SPNS3: variants seen among roughly 807,000 people sequenced by gnomAD.
SPNS3 encodes the protein SPNS lysolipid transporter 3, sphingosine-1-phosphate (putative), also known as protein spinster homolog 3.
A neutral mutation model predicts 54.4 loss-of-function variants in SPNS3; 51 were observed. The observed-to-expected ratio is 0.94, with a 90% CI of 0.75 to 1.18. The LOEUF (loss-of-function observed/expected upper bound fraction) is 1.18. Ranked by LOEUF, SPNS3 falls within the 50% of genes most tolerant of loss-of-function variation. The probability of loss-of-function intolerance (pLI) is 0.00; values close to 1 mark genes in which losing one functional copy is unlikely to be tolerated. For synonymous variants in SPNS3, 309 were observed against 294.7 expected, an observed-to-expected ratio of 1.05 and a Z score of -0.50; for missense variants, 669 against 677.4, an observed-to-expected ratio of 0.99 and a Z score of 0.14.
At chr17:4,465,937 G>T (rs933353647) in intron 8 of SPNS3, among the ~76,000 whole-genome samples, 5 of 152,308 alleles carry the variant, frequency 3.3e-5, no homozygotes, top group Middle Eastern at 3.4e-3. Flanking sequence ...AGCCTACCAG[G>T]GTGGGTCTCT....
At chr17:4,445,857 G>A (rs887488234) in intron 3 of SPNS3, among the ~76,000 whole-genome samples, 191 bp from the exon 4 acceptor site, 4 of 152,076 alleles carry the variant, frequency 2.6e-5, no homozygotes, top group African/African-American at 9.7e-5. Context: ...AGGGGGGCAG[G>A]TGGTGGCTGC....
At chr17:4,438,587 G>A (rs1210398522) in intron 1 of SPNS3, among the ~76,000 whole-genome samples, 4 of 152,234 alleles carry the variant, frequency 2.6e-5, no homozygotes, top group Non-Finnish European at 5.9e-5. Context: ...ACATTAGGCT[G>A]GGTGCCCACT....
rs199522240 is a variant in SPNS3, at chr17:4,449,322, C to G, written c.858C>G (p.Leu286=). Residue 286 remains leucine (L), a synonymous_variant, in exon 7 of 12, where the codon CTC becomes CTG. Coordinates refer to ENST00000355530, the MANE Select transcript of SPNS3 (RefSeq NM_182538.5). ...GGTTCTGGGCCCCCAAGTTTCTGCTCGAGGCACGCGTGGTTCACGGGCTGC... is the reference window on the plus strand; with the variant it reads ...GGTTCTGGGCCCCCAAGTTTCTGCTGGAGGCACGCGTGGTTCACGGGCTGC... ...ALGFWAPKFL[L]EARVVHGLQP... is the part of the protein sequence containing the mutation. 1.2e-6 allele frequency: 2 copies of G among 1,611,976 alleles called. No homozygotes were observed. The highest frequency in any genetic ancestry group is 8.5e-7 in the Non-Finnish European group (1 of 1,179,896).
At chr17:4,445,774 G>A (rs1018160720) in intron 3 of SPNS3, among the ~76,000 whole-genome samples, 1 of 152,006 alleles carries the variant, frequency 6.6e-6, no homozygotes, top group Non-Finnish European at 1.5e-5. Flanking sequence ...GTGGGGCTGG[G>A]GGTAACAGCT....
chr17:4,457,586 C>G (rs911579803), intron 8 of SPNS3, among the ~76,000 whole-genome samples: 4 of 152,154 alleles, frequency 2.6e-5, no homozygotes, highest in Admixed American at 6.5e-5. Context: ...GGCCTGACCT[C>G]ACAGGGAGGC....
intron 8 of SPNS3, among the ~76,000 whole-genome samples, chr17:4,470,158 G>A (rs895111162): frequency 6.6e-6 from 1 of 152,218 alleles, no homozygotes; most frequent in Non-Finnish European, 1.5e-5. Context: ...GCCAGGCACA[G>A]TGACTCACGC....
At chr17:4,464,620 T>A (rs1161701731) in intron 8 of SPNS3, among the ~76,000 whole-genome samples, 1 of 152,128 alleles carries the variant, frequency 6.6e-6, no homozygotes, top group Non-Finnish European at 1.5e-5. Context: ...AAAATGGGAG[T>A]GCTACTCTTT....
chr17:4,482,071 T>A (rs1428910332), intron 9 of SPNS3: 1 of 152,146 alleles, frequency 6.6e-6, no homozygotes, highest in Non-Finnish European at 1.5e-5. Context: ...GTATTTTTAG[T>A]AGAGACGGGG....
Position 4,445,136 on chromosome 17 carries a change from G to T in SPNS3, c.370G>T (p.Ala124Ser). The T allele has an allele frequency of 6.2e-7, 1 of 1,614,126 alleles. No individual in the cohort carries two copies. The highest frequency in any genetic ancestry group is 8.5e-7 in the Non-Finnish European group (1 of 1,179,956). ...CTTCGGTATCTTGCTGTGGTCAGGA[G>T]CTGGCCTCTCTAGCTCCTTCATCTC... ...MSFGILLWSGAGLSSSFISPR... is the reference protein window; with the variant it reads ...MSFGILLWSGSGLSSSFISPR... Residue 124 changes from alanine (A) to serine (S), a missense_variant, in exon 3 of 12, where the codon GCT becomes TCT. Coordinates refer to ENST00000355530, the MANE Select transcript of SPNS3 (RefSeq NM_182538.5).
intron 8 of SPNS3, among the ~76,000 whole-genome samples, chr17:4,466,075 G>T (rs1229125860): frequency 6.6e-6 from 1 of 152,218 alleles, no homozygotes; most frequent in Admixed American, 6.5e-5. Context: ...CAAGCCTATG[G>T]CCATGGCCAG....
At chr17:4,468,753 C>CTT (rs1555531901) in intron 8 of SPNS3, among the ~76,000 whole-genome samples, 7 of 141,018 alleles carry the variant, frequency 5.0e-5, no homozygotes, top group Non-Finnish European at 7.5e-5. Context: ...TTCTTTCTTT[C>CTT]TTTCTTTCTC....
Position 4,446,151 on chromosome 17 carries a change from A to G in SPNS3, c.506A>G (p.Gln169Arg), listed in dbSNP as rs148289017. Reference protein sequence around the residue: ...TVLGDLFVRDQRTRVLAVFYI... With the variant: ...TVLGDLFVRDRRTRVLAVFYI... Reference sequence around the variant, plus strand: ...CTGGGCGACCTCTTCGTGAGGGACCAGCGCACCCGCGTGCTGGCTGTCTTC... The same window carrying G: ...CTGGGCGACCTCTTCGTGAGGGACCGGCGCACCCGCGTGCTGGCTGTCTTC... The change falls in exon 4 of 12, where the codon CAG becomes CGG. Residue 169 changes from glutamine to arginine, a missense_variant. Gln to Arg is a conservative substitution (Grantham distance 43). Transcript: ENST00000355530. 110 of 1,613,466 alleles carry G rather than the reference A, an allele frequency of 6.8e-5. No homozygotes were observed. The Middle Eastern group carries it at 8.3e-4, about 12-fold the overall frequency.
chr17:4,439,304 T>C (rs1970789469), intron 1 of SPNS3, among the ~76,000 whole-genome samples: 1 of 152,098 alleles, frequency 6.6e-6, no homozygotes. Context: ...TTTGTACTTT[T>C]AGTAGAGACG....
intron 7 of SPNS3, among the ~76,000 whole-genome samples, chr17:4,452,529 G>A (rs971147755): frequency 2.6e-5 from 4 of 152,130 alleles, no homozygotes; most frequent in Admixed American, 6.5e-5. Context: ...GAGGGAGGGC[G>A]TGTAGAGAGC....
chr17:4,445,927 C>T (rs899374947), intron 3 of SPNS3, 121 bp from the exon 4 acceptor site: 7 of 1,206,430 alleles, frequency 5.8e-6, no homozygotes, highest in Middle Eastern at 3.0e-4. Flanking sequence ...GCCCCGATCC[C>T]CTCTCCCTAC....
chr17:4,450,142 G>C (rs1971118780), intron 7 of SPNS3, among the ~76,000 whole-genome samples: 1 of 151,576 alleles, frequency 6.6e-6, no homozygotes, highest in Non-Finnish European at 1.5e-5. Context: ...GGGTCCTGGG[G>C]GCTCCTGGGG....
At chr17:4,465,544 G>A (rs1406235349) in intron 8 of SPNS3, among the ~76,000 whole-genome samples, 1 of 152,048 alleles carries the variant, frequency 6.6e-6, no homozygotes, top group African/African-American at 2.4e-5. Context: ...CTTAGCCAAC[G>A]TGGCAAAACC....
chr17:4,455,675 C>G (rs1295895585), intron 8 of SPNS3, among the ~76,000 whole-genome samples: 1 of 152,194 alleles, frequency 6.6e-6, no homozygotes, highest in Non-Finnish European at 1.5e-5. Context: ...CCACTGCCGC[C>G]CTCTCCCCTC....
chr17:4,436,337 G>A (rs539073455), intron 1 of SPNS3, among the ~76,000 whole-genome samples: 7 of 152,294 alleles, frequency 4.6e-5, no homozygotes, highest in South Asian at 2.1e-4. Flanking sequence ...CCTGGTCATC[G>A]TCTTTGAGGA....
Sources: gnomAD v4.1 joint callset for allele counts (sites outside exome capture counted in the v4.1 genomes callset) on GRCh38, gnomAD v4.1.1 for gene constraint, MANE v1.5 for transcripts, NCBI Gene and HGNC (gene_info 2026-07-23, HGNC 2026-07-21) for gene names.